Variants in SLC20A2 observed in about 807,000 individuals in gnomAD.
SLC20A2 encodes the protein solute carrier family 20 member 2, also known as sodium-dependent phosphate transporter 2.
In SLC20A2, 30 loss-of-function variants were observed where a neutral mutation model predicts 61.0. The observed-to-expected ratio is 0.49, with a 90% CI of 0.37 to 0.67. The LOEUF is 0.67. SLC20A2 is among the 30% of genes least tolerant of loss of function. SLC20A2 has a pLI of 0.00. For missense variants in SLC20A2, 626 were observed against 866.4 expected, an observed-to-expected ratio of 0.72 and a Z score of 3.48; for synonymous variants, 351 against 353.3, an observed-to-expected ratio of 0.99 and a Z score of 0.07.
intron 1 of SLC20A2, among the ~76,000 whole-genome samples, chr8:42,476,244 G>A (rs1489485046): frequency 1.4e-4 from 21 of 151,600 alleles, no homozygotes; most frequent in African/African-American, 5.1e-4. Flanking sequence ...CTAAATAGGC[G>A]CCCGCCACCA....
At position 42,437,324 on chromosome 8, in the gene SLC20A2, C is replaced by T. The variant is rs756419424; in HGVS notation, c.1188G>A (p.Leu396=). 6.8e-6 allele frequency: 11 copies of T among 1,614,200 alleles called. No homozygotes were observed. The South Asian group carries it at 7.7e-5, about 11-fold the overall frequency. The change falls in exon 8 of 11, where the codon CTG becomes CTA. Residue 396 remains leucine (L), a synonymous_variant. Coordinates refer to ENST00000520262, the MANE Select transcript of SLC20A2 (RefSeq NM_001257180.2). The surrounding 1 kb of genome is among the most constrained non-coding windows in gnomAD (Gnocchi z 6.4). ...YTCYTAAICG[L]PVHATFRAAD... ...CAGCTCGAAAGGTGGCGTGCACTGGCAGCCCACAAATGGCTGCGGTGTAGC... is the reference window on the plus strand; with the variant it reads ...CAGCTCGAAAGGTGGCGTGCACTGGTAGCCCACAAATGGCTGCGGTGTAGC...
chr8:42,476,171 A>G (rs1808086741), intron 1 of SLC20A2, among the ~76,000 whole-genome samples: 1 of 131,914 alleles, frequency 7.6e-6, no homozygotes, highest in African/African-American at 2.9e-5. Context: ...ATCTCGGCTC[A>G]CTGCAAGCTC....
intron 2 of SLC20A2, chr8:42,471,213 C>G (rs1351060008): frequency 4.4e-6 from 2 of 456,150 alleles, no homozygotes; most frequent in Non-Finnish European, 4.4e-6. Flanking sequence ...TAGAGGCAAG[C>G]AGAAAAAGAA....
At chr8:42,465,435 T>C (rs1807077792) in intron 3 of SLC20A2, among the ~76,000 whole-genome samples, 1 of 151,864 alleles carries the variant, frequency 6.6e-6, no homozygotes, top group Admixed American at 6.6e-5. Context: ...GGCTCACGCC[T>C]ATAATCCTGG....
At chr8:42,533,145 T>A (rs919031196) in intron 1 of SLC20A2, among the ~76,000 whole-genome samples, 4 of 152,166 alleles carry the variant, frequency 2.6e-5, no homozygotes, top group Non-Finnish European at 5.9e-5. Context: ...TATGTTCCTT[T>A]GTTTATATTT....
intron 1 of SLC20A2, among the ~76,000 whole-genome samples, chr8:42,499,163 G>C (rs761838291): frequency 6.6e-6 from 1 of 152,116 alleles, no homozygotes; most frequent in Non-Finnish European, 1.5e-5. Flanking sequence ...AAGGGCAGGC[G>C]GGCTCGGCTC....
At chr8:42,439,726 G>T in intron 6 of SLC20A2, 73 bp from the exon 7 acceptor site, 2 of 1,123,318 alleles carry the variant, frequency 1.8e-6, no homozygotes, top group Non-Finnish European at 2.7e-6. Flanking sequence ...ATTAAAAAGT[G>T]AATCTATATC....
intron 1 of SLC20A2, among the ~76,000 whole-genome samples, chr8:42,479,681 C>G (rs752899122): frequency 6.6e-6 from 1 of 151,994 alleles, no homozygotes; most frequent in Non-Finnish European, 1.5e-5. Context: ...CAAAAATTAG[C>G]TGGCATGGCA....
intron 10 of SLC20A2, among the ~76,000 whole-genome samples, chr8:42,421,797 C>G (rs1475207152): frequency 6.6e-6 from 1 of 151,802 alleles, no homozygotes; most frequent in Non-Finnish European, 1.5e-5. Context: ...ACGAGTGAAA[C>G]TCCGTCTCAA....
At chr8:42,528,213 G>A (rs1221481878) in intron 1 of SLC20A2, among the ~76,000 whole-genome samples, 1 of 152,142 alleles carries the variant, frequency 6.6e-6, no homozygotes, top group Non-Finnish European at 1.5e-5. Context: ...TGTAATCCCA[G>A]AACTTTGGGA....
intron 5 of SLC20A2, among the ~76,000 whole-genome samples, chr8:42,449,452 A>G (rs1287240251): frequency 1.3e-5 from 2 of 152,238 alleles, no homozygotes; most frequent in East Asian, 3.8e-4. Context: ...GGAGAAATAC[A>G]TAGAACTTTT....
At chr8:42,485,298 A>G (rs1808884146) in intron 1 of SLC20A2, among the ~76,000 whole-genome samples, 2 of 152,068 alleles carry the variant, frequency 1.3e-5, no homozygotes, top group African/African-American at 4.8e-5. Context: ...ACCCCCCTCC[A>G]AAAAAGGGGA....
At chr8:42,435,606 A>G (rs111576831) in intron 8 of SLC20A2, among the ~76,000 whole-genome samples, 4 of 144,910 alleles carry the variant, frequency 2.8e-5, no homozygotes, top group Non-Finnish European at 6.1e-5. Flanking sequence ...CTTCCTACAC[A>G]CCAGGCCTGG....
At chr8:42,444,836 C>G in intron 5 of SLC20A2, 74 bp from the exon 6 acceptor site, 1 of 985,364 alleles carries the variant, frequency 1.0e-6, no homozygotes, top group Non-Finnish European at 1.6e-6. Flanking sequence ...GGTGGACTTC[C>G]CACTCCCCAA....
At chr8:42,496,621 T>C (rs1466748488) in intron 1 of SLC20A2, among the ~76,000 whole-genome samples, 1 of 152,262 alleles carries the variant, frequency 6.6e-6, no homozygotes, top group Admixed American at 6.5e-5. Context: ...AAGTCCATCC[T>C]ATGTGTGCCC....
At chr8:42,441,742 T>C (rs757322708) in intron 6 of SLC20A2, among the ~76,000 whole-genome samples, 53 of 151,814 alleles carry the variant, frequency 3.5e-4, no homozygotes, top group Non-Finnish European at 1.5e-4. Context: ...GCTGGGATTA[T>C]AGTCGTGTGC....
intron 4 of SLC20A2, 38 bp downstream of exon 4, chr8:42,462,967 G>A: frequency 7.7e-7 from 1 of 1,304,058 alleles, no homozygotes; most frequent in Non-Finnish European, 1.1e-6. Context: ...GCCAAAAATA[G>A]TTCTTAAGAT....
In SLC20A2 at chr8:42,478,379, T is replaced by C. The variant is rs561028815; in HGVS notation, c.-264-5725A>G. On this transcript the variant is annotated intron_variant, in intron 1 of 10. Coordinates refer to ENST00000520262, the MANE Select transcript of SLC20A2 (RefSeq NM_001257180.2). Reference sequence around the variant, plus strand: ...GGCATGCACTTCCTCCTCCGGCTAATTTTTGTATTTTTAGTAGAGACAGGG... The same window carrying C: ...GGCATGCACTTCCTCCTCCGGCTAACTTTTGTATTTTTAGTAGAGACAGGG... Among the ~76,000 whole-genome samples the C allele has an allele frequency of 8.5e-5, 13 of 152,090 alleles. No individual in the cohort carries two copies. In the South Asian group the frequency reaches 2.7e-3, roughly 32 times the overall value.
chr8:42,537,034 T>C (rs546069387), intron 1 of SLC20A2, among the ~76,000 whole-genome samples: 1 of 150,940 alleles, frequency 6.6e-6, no homozygotes, highest in African/African-American at 2.4e-5. Flanking sequence ...AAGATCGCGC[T>C]GCTGCACTCC....
Sources: allele counts gnomAD v4.1 joint callset (sites outside exome capture counted in the v4.1 genomes callset), GRCh38; gene constraint gnomAD v4.1.1; non-coding constraint Gnocchi (gnomAD v3.1); transcripts MANE v1.5; gene names NCBI Gene and HGNC (gene_info 2026-07-23, HGNC 2026-07-21).